ZMAT2: variants seen among roughly 807,000 people sequenced by gnomAD.
ZMAT2 encodes zinc finger matrin-type protein 2.
Under a neutral mutation model 27.5 loss-of-function variants are expected in ZMAT2, and 5 were observed. The ratio of observed to expected loss-of-function variants is 0.18; its 90% CI spans 0.10 to 0.38. ZMAT2 has a LOEUF of 0.38. ZMAT2 is among the 10% of genes least tolerant of loss of function. The pLI, the probability that ZMAT2 is intolerant of heterozygous loss-of-function variation, is 1.00. For missense variants in ZMAT2, 124 were observed against 243.9 expected (o/e 0.51, Z 3.27); for synonymous variants, 76 against 78.6 (o/e 0.97, Z 0.17).
At position 140,704,546 on chromosome 5, in the gene ZMAT2, A is replaced by G; in HGVS notation, c.431A>G (p.Glu144Gly). The part of the protein sequence containing the change: ...EEKQKDYDFE[E>G]RMKELREEEE... ...AAGCAGAAGGATTATGATTTTGAGG[A>G]AAGGATGAAGGAGCTCAGAGAAGAG... is the stretch of plus-strand genomic sequence containing the variant. Residue 144 changes from glutamate to glycine, a missense_variant, in exon 5 of 6, where the codon GAA becomes GGA. By Grantham distance (98) the Glu-to-Gly change is moderately conservative. Around this residue, in one of 5 missense-constraint regions of ZMAT2, gnomAD observed 53 missense variants for 82.3 expected, o/e 0.64. Coordinates refer to ENST00000274712, the MANE Select transcript of ZMAT2 (RefSeq NM_144723.3). 1 of 1,614,032 alleles carries G rather than the reference A, an allele frequency of 6.2e-7. No individual in the cohort carries two copies. Among genetic ancestry groups the G allele is most frequent in the East Asian group, 2.2e-5 (1 of 44,864 alleles).
At chr5:140,705,374 G>A (rs1485628537) in intron 5 of ZMAT2, among the ~76,000 whole-genome samples, 1 of 150,440 alleles carries the variant, frequency 6.6e-6, no homozygotes, top group Non-Finnish European at 1.5e-5. Flanking sequence ...GTCCTAAAGA[G>A]ACCCATGAAA....
In ZMAT2 at chr5:140,700,920, C is replaced by T; in HGVS notation, c.112+8C>T. On this transcript the variant is annotated splice_region_variant and intron_variant, in intron 2 of 5. Coordinates refer to ENST00000274712, the MANE Select transcript of ZMAT2 (RefSeq NM_144723.3). ...AGAGAGAAAAGAAAGATGGTGGGTG[C>T]TAACTACATCAAGGGCTAAGGGTAT... The T allele has an allele frequency of 6.2e-7, 1 of 1,613,586 alleles. No homozygotes were observed.
At chr5:140,700,538 A>G (rs916915687) in intron 1 of ZMAT2, 60 bp downstream of exon 1, 31 of 1,610,670 alleles carry the variant, frequency 1.9e-5, no homozygotes, top group Non-Finnish European at 2.2e-5. Context: ...TCAGACCTGA[A>G]TAGAGACAAA....
chr5:140,704,679 C>G, intron 5 of ZMAT2, 108 bp downstream of exon 5: 1 of 1,172,186 alleles, frequency 8.5e-7, no homozygotes, highest in Non-Finnish European at 1.2e-6. Context: ...AGAGTTGTAT[C>G]TCCTGAGTTC....
At chr5:140,704,594 C>T (rs1164944316) in intron 5 of ZMAT2, 23 bp downstream of exon 5, 1 of 1,610,124 alleles carries the variant, frequency 6.2e-7, no homozygotes, top group Admixed American at 1.7e-5. Flanking sequence ...TATCCTTCCC[C>T]TCTCCCCCAG....
rs1202369035 is a variant in ZMAT2, at chr5:140,705,747, G to T, written c.591G>T (p.Lys197Asn). The change falls in exon 6 of 6, where the codon AAG becomes AAT. Residue 197 changes from lysine to asparagine, a missense_variant. Lys to Asn is a moderately conservative substitution (Grantham distance 94). This residue lies in a region of ZMAT2 where 53 missense variants were observed against 82.3 expected (regional missense o/e 0.64). Transcript: ENST00000274712. The part of the protein sequence containing the change: ...MGFSGFGSTK[K>N]SY ...TCTCTGGCTTTGGTTCCACCAAGAAGAGTTACTGAGGCTTTCTGTGCTTGG... is the reference window on the plus strand; with the variant it reads ...TCTCTGGCTTTGGTTCCACCAAGAATAGTTACTGAGGCTTTCTGTGCTTGG... 1 of 1,613,968 alleles carries T rather than the reference G, an allele frequency of 6.2e-7. No homozygotes were observed. Among genetic ancestry groups the T allele is most frequent in the Admixed American group, 1.7e-5 (1 of 59,982 alleles).
At chr5:140,705,336 T>C (rs754541579) in intron 5 of ZMAT2, among the ~76,000 whole-genome samples, 3 of 151,054 alleles carry the variant, frequency 2.0e-5, no homozygotes, top group Non-Finnish European at 4.4e-5. Flanking sequence ...TTTTTTTAAC[T>C]GCAAGAGGAA....
At chr5:140,705,524 T>G in intron 5 of ZMAT2, 89 bp from the exon 6 acceptor site, 1 of 1,458,396 alleles carries the variant, frequency 6.9e-7, no homozygotes, top group Non-Finnish European at 9.2e-7. Context: ...ATTTCTGGCA[T>G]GTACTGCATG....
chr5:140,701,019 G>T (rs761995528), intron 2 of ZMAT2, 107 bp downstream of exon 2: 32 of 1,056,520 alleles, frequency 3.0e-5, no homozygotes, highest in Admixed American at 1.3e-4. Context: ...GTAAGCTCTG[G>T]CAGAGTGCTG....
chr5:140,703,544 C>T (rs577168803), intron 3 of ZMAT2, among the ~76,000 whole-genome samples: 11 of 152,264 alleles, frequency 7.2e-5, no homozygotes, highest in Non-Finnish European at 1.6e-4. Context: ...ACCCCATAGA[C>T]CTTTCTATAA....
In ZMAT2 at chr5:140,704,582, C is replaced by T; in HGVS notation, c.456+11C>T. 1 of 1,612,036 alleles carries T rather than the reference C, an allele frequency of 6.2e-7. No individual in the cohort carries two copies. The highest frequency in any genetic ancestry group is 2.2e-5 in the East Asian group (1 of 44,832). On this transcript the variant is annotated intron_variant, in intron 5 of 5. Coordinates refer to ENST00000274712, the MANE Select transcript of ZMAT2 (RefSeq NM_144723.3). ...GAGCTCAGAGAAGAGGTAAGGGTCTCCTATCCTTCCCCTCTCCCCCAGATT... is the reference window on the plus strand; with the variant it reads ...GAGCTCAGAGAAGAGGTAAGGGTCTTCTATCCTTCCCCTCTCCCCCAGATT...
chr5:140,700,517 G>A (rs762188261), intron 1 of ZMAT2, 39 bp downstream of exon 1: 3 of 1,612,174 alleles, frequency 1.9e-6, no homozygotes, highest in African/African-American at 1.3e-5. Flanking sequence ...TGCGGGGTGG[G>A]GAATGGTTTT....
intron 2 of ZMAT2, among the ~76,000 whole-genome samples, chr5:140,701,740 CA>C (rs1159433269): frequency 1.3e-5 from 2 of 152,194 alleles, no homozygotes; most frequent in Non-Finnish European, 2.9e-5. Context: ...AATTCTCCCC[CA>C]CAATTCAGTT....
In ZMAT2 at chr5:140,706,657, T is replaced by G. The variant is rs1760061582; in HGVS notation, c.*901T>G. 6.5e-6 allele frequency: 1 copy of G among 152,696 alleles called. No individual in the cohort carries two copies. 9.5% of individuals were successfully genotyped at this position (152,696 alleles called of 1,614,324 possible). On this transcript the variant is annotated 3_prime_UTR_variant, in exon 6 of 6. Coordinates refer to ENST00000274712, the MANE Select transcript of ZMAT2 (RefSeq NM_144723.3). ...TATAATAAATGGCATTGACTGGGCC[T>G]GTTTTACATTTGGTGAGAACATTCC...
In ZMAT2 at chr5:140,701,255, A is replaced by ACC. The variant is rs371344925; in HGVS notation, c.112+348_112+349dup. ...CTGCTGTGCATTACCGCTATCAGTG[A>ACC]CCCCCCTCTTTCCCTTGAAATTTCT... is the stretch of plus-strand genomic sequence containing the variant. On this transcript the variant is annotated intron_variant, in intron 2 of 5. Coordinates refer to ENST00000274712, the MANE Select transcript of ZMAT2 (RefSeq NM_144723.3). Among the ~76,000 whole-genome samples, 118 of 151,908 alleles carry ACC rather than the reference A, an allele frequency of 7.8e-4. 1 individual carries two copies. Among genetic ancestry groups the ACC allele is most frequent in the African/African-American group, 2.8e-3 (114 of 41,408 alleles).
chr5:140,705,344 G>T (rs1760037077), intron 5 of ZMAT2, among the ~76,000 whole-genome samples: 1 of 149,622 alleles, frequency 6.7e-6, no homozygotes, highest in Admixed American at 6.7e-5. Context: ...ACTGCAAGAG[G>T]AATTAACTAA....
At chr5:140,703,674 C>T (rs966537481) in intron 3 of ZMAT2, among the ~76,000 whole-genome samples, 2 of 152,068 alleles carry the variant, frequency 1.3e-5, no homozygotes, top group Non-Finnish European at 2.9e-5. Flanking sequence ...TTCTATTGGC[C>T]AAACAGACCA....
chr5:140,704,029 T>C (rs777779611), intron 4 of ZMAT2, 38 bp downstream of exon 4: 1 of 1,600,716 alleles, frequency 6.2e-7, no homozygotes, highest in East Asian at 2.2e-5. Context: ...GGGCTGGAAT[T>C]GGGTTTTGGA....
chr5:140,701,346 T>A (rs1759960865), intron 2 of ZMAT2, among the ~76,000 whole-genome samples: 1 of 152,194 alleles, frequency 6.6e-6, no homozygotes. Context: ...GCCGGGGAAC[T>A]TTGCAGGATC....
Sources: gnomAD v4.1 joint callset for allele counts (sites outside exome capture counted in the v4.1 genomes callset) on GRCh38, gnomAD v4.1.1 for gene constraint, gnomAD v4.1.1 regional missense constraint, MANE v1.5 for transcripts, NCBI Gene and HGNC (gene_info 2026-07-23, HGNC 2026-07-21) for gene names.